Variants in EPN2 observed in about 807,000 individuals in gnomAD.
EPN2 encodes the protein epsin-2.
Under a neutral mutation model 61.7 loss-of-function variants are expected in EPN2, and 34 were observed. The observed-to-expected ratio is 0.55, with a 90% confidence interval of 0.42 to 0.73. The LOEUF (loss-of-function observed/expected upper bound fraction) is 0.73. Among genes scored for constraint, EPN2 ranks in the 30% least tolerant of loss-of-function variants. EPN2 has a pLI of 0.00. For missense variants in EPN2, 714 were observed against 839.2 expected, an observed-to-expected ratio of 0.85 and a Z score of 1.84; for synonymous variants, 349 against 353.6, an observed-to-expected ratio of 0.99 and a Z score of 0.15.
chr17:19,320,368 G>A (rs146679829), intron 7 of EPN2, among the ~76,000 whole-genome samples: 5 of 152,274 alleles, frequency 3.3e-5, no homozygotes, highest in African/African-American at 1.2e-4. Context: ...CAAGGTGACC[G>A]TGGGAGACCA....
At chr17:19,300,111 G>A (rs1036053076) in intron 4 of EPN2, among the ~76,000 whole-genome samples, 4 of 152,200 alleles carry the variant, frequency 2.6e-5, no homozygotes, top group Non-Finnish European at 5.9e-5. Flanking sequence ...TGGTTCCGTG[G>A]TGGGCAGGTC....
At chr17:19,326,764 G>C (rs575717620) in intron 7 of EPN2, among the ~76,000 whole-genome samples, 1 of 150,566 alleles carries the variant, frequency 6.6e-6, no homozygotes, top group African/African-American at 2.4e-5. Context: ...ACAAAGACTT[G>C]ACTTACGACA....
chr17:19,313,095 G>A lies in EPN2; in HGVS notation c.973-10G>A. On this transcript the variant is annotated splice_polypyrimidine_tract_variant and intron_variant, in intron 6 of 10. Transcript: ENST00000314728. ...TAGTAAAACCTGTCCCCTTCTCTTT[G>A]TCTTAAAAGCATGGCTCTCTCCCAC... 1 of 1,612,634 alleles carries A rather than the reference G, an allele frequency of 6.2e-7. No homozygotes were observed. The highest frequency in any genetic ancestry group is 8.5e-7 in the Non-Finnish European group (1 of 1,179,354).
intron 4 of EPN2, among the ~76,000 whole-genome samples, chr17:19,297,975 A>C (rs1051377495): frequency 5.3e-5 from 8 of 152,108 alleles, no homozygotes; most frequent in African/African-American, 1.7e-4. Context: ...TCCTGGGTTC[A>C]AGCGATTCTT....
At chr17:19,245,657 G>T (rs1429367628) in intron 1 of EPN2, among the ~76,000 whole-genome samples, 1 of 147,542 alleles carries the variant, frequency 6.8e-6, no homozygotes, top group Admixed American at 6.7e-5. Flanking sequence ...GGATGGTCTT[G>T]ATCTCTTTTT....
intron 4 of EPN2, among the ~76,000 whole-genome samples, chr17:19,293,037 G>A (rs1240147668): frequency 6.6e-6 from 1 of 152,080 alleles, no homozygotes; most frequent in East Asian, 1.9e-4. Flanking sequence ...AAAATTATAT[G>A]GTTCATCTTA....
At chr17:19,280,542 A>G (rs538912265) in intron 1 of EPN2, among the ~76,000 whole-genome samples, 1 of 152,350 alleles carries the variant, frequency 6.6e-6, no homozygotes, top group South Asian at 2.1e-4. Context: ...ATAGAGTCAG[A>G]TTCCTTGACA....
chr17:19,285,595 G>GTGTGTGTGTGTGT lies in EPN2; in HGVS notation c.596-14_596-13insGTTGTGTGTGTGT. The GTGTGTGTGTGTGT allele has an allele frequency of 6.7e-7, 1 of 1,493,258 alleles. No individual in the cohort carries two copies. The highest frequency in any genetic ancestry group is 1.3e-5 in the South Asian group (1 of 76,600). 92.5% of individuals were successfully genotyped at this position (1,493,258 alleles called of 1,614,324 possible). A position where few individuals can be genotyped will look rare whatever the true frequency, so the allele number is the denominator to read the frequency against. On this transcript the variant is annotated intron_variant, in intron 3 of 10. Coordinates refer to ENST00000314728, the MANE Select transcript of EPN2 (RefSeq NM_014964.5). This position sits in a 1 kb window ranked among gnomAD's most constrained non-coding sequence, Gnocchi z 4.5. ...CCTCTAATGGCGTGTCTCTCTGTGTGTGTGTGTGTGTCCCTGCCCCACAGC... is the reference window on the plus strand; with the variant it reads ...CCTCTAATGGCGTGTCTCTCTGTGTGTGTGTGTGTGTGTTGTGTGTGTGTCCCTGCCCCACAGC...
rs1473395370 is a variant in EPN2 at position 19,335,623 on chromosome 17, G to C, written c.*1369G>C. The C allele has an allele frequency of 1.7e-6, 1 of 575,730 alleles. No individual in the cohort carries two copies. 35.7% of individuals were successfully genotyped at this position (575,730 alleles called of 1,614,324 possible). ...AGTCCCTAGGCTAAGACAGGGGTGG[G>C]GGGCTAAGGGACCAGGGCTGGCCCT... is the stretch of plus-strand genomic sequence containing the variant. On this transcript the variant is annotated 3_prime_UTR_variant, in exon 11 of 11. Transcript: ENST00000314728.
In EPN2 at chr17:19,285,605, G is replaced by T. The variant is rs749206688; in HGVS notation, c.596-15G>T. 7.3e-6 allele frequency: 11 copies of T among 1,514,582 alleles called. No homozygotes were observed. Among genetic ancestry groups the T allele is most frequent in the Non-Finnish European group, 7.1e-6 (8 of 1,127,852 alleles). The allele number at this position is 1,514,582 out of a possible 1,614,324, so 93.8% of individuals were successfully genotyped here. A position where few individuals can be genotyped will look rare whatever the true frequency, so the allele number is the denominator to read the frequency against. The stretch of plus-strand genomic sequence containing the variant: ...CGTGTCTCTCTGTGTGTGTGTGTGT[G>T]TCCCTGCCCCACAGCGCCTGAGGCC... On this transcript the variant is annotated splice_polypyrimidine_tract_variant and intron_variant, in intron 3 of 10. Coordinates refer to ENST00000314728, the MANE Select transcript of EPN2 (RefSeq NM_014964.5). The surrounding 1 kb of genome is among the most constrained non-coding windows in gnomAD (Gnocchi z 4.5).
intron 7 of EPN2, among the ~76,000 whole-genome samples, chr17:19,326,056 T>C (rs1356299406): frequency 1.3e-5 from 2 of 152,184 alleles, no homozygotes; most frequent in Non-Finnish European, 2.9e-5. Context: ...GTTGTACAAA[T>C]ATCTGTGGGA....
intron 1 of EPN2, among the ~76,000 whole-genome samples, chr17:19,256,161 T>A (rs920774292): frequency 6.6e-6 from 1 of 151,970 alleles, no homozygotes; most frequent in Non-Finnish European, 1.5e-5. Context: ...ATGGTCGCGA[T>A]CTCCTGACCT....
At chr17:19,275,134 C>G (rs1035147224) in intron 1 of EPN2, among the ~76,000 whole-genome samples, 3 of 152,182 alleles carry the variant, frequency 2.0e-5, no homozygotes, top group Non-Finnish European at 4.4e-5. Flanking sequence ...CTTCCTTGGT[C>G]AGTCTTGGGT....
At chr17:19,326,522 TA>T (rs1454139411) in intron 7 of EPN2, among the ~76,000 whole-genome samples, 2 of 151,648 alleles carry the variant, frequency 1.3e-5, no homozygotes, top group Non-Finnish European at 1.5e-5. Context: ...CCGTCTCTCC[TA>T]AAAAATACAA....
At chr17:19,286,418 C>T (rs938844897) in intron 4 of EPN2, among the ~76,000 whole-genome samples, 7 of 152,180 alleles carry the variant, frequency 4.6e-5, no homozygotes, top group African/African-American at 1.7e-4. Context: ...AATGGGGCTT[C>T]TCTTTCTACT....
At chr17:19,295,225 A>G (rs1171305923) in intron 4 of EPN2, among the ~76,000 whole-genome samples, 1 of 152,162 alleles carries the variant, frequency 6.6e-6, no homozygotes, top group Non-Finnish European at 1.5e-5. Context: ...AAAGGTGCTC[A>G]GAACATACTT....
At chr17:19,300,492 A>G (rs1338548932) in intron 4 of EPN2, among the ~76,000 whole-genome samples, 1 of 129,938 alleles carries the variant, frequency 7.7e-6, no homozygotes, top group African/African-American at 3.0e-5. Context: ...GCAGTGGTGC[A>G]ATCTCGGCTC....
intron 7 of EPN2, among the ~76,000 whole-genome samples, chr17:19,325,363 C>T (rs1235600017): frequency 6.6e-6 from 1 of 152,158 alleles, no homozygotes; most frequent in African/African-American, 2.4e-5. Context: ...GAAACAATTA[C>T]AAAACCCAAG....
chr17:19,301,976 A>G (rs1276359888), intron 4 of EPN2, among the ~76,000 whole-genome samples: 2 of 152,194 alleles, frequency 1.3e-5, no homozygotes, highest in African/African-American at 4.8e-5. Context: ...ATAGGTCCTG[A>G]GTCTTGGCTC....
Sources: gnomAD v4.1 joint callset for allele counts (sites outside exome capture counted in the v4.1 genomes callset) on GRCh38, gnomAD v4.1.1 for gene constraint, Gnocchi (gnomAD v3.1) non-coding constraint, MANE v1.5 for transcripts, NCBI Gene and HGNC (gene_info 2026-07-23, HGNC 2026-07-21) for gene names.